ROBO1: variants seen among roughly 807,000 people sequenced by gnomAD.
The protein encoded by ROBO1 is roundabout guidance receptor 1.
ROBO1 carries 149 observed loss-of-function variants against 195.9 expected under a neutral mutation model. The observed-to-expected ratio is 0.76, with a 90% confidence interval of 0.67 to 0.87. ROBO1 has a LOEUF of 0.87. ROBO1 is among the 40% of genes least tolerant of loss of function. ROBO1 has a pLI of 0.00. For synonymous variants in ROBO1, 816 were observed against 733.2 expected (o/e 1.11, Z -1.82); for missense variants, 1,933 against 2,068.3 (o/e 0.93, Z 1.27).
chr3:79,162,655 C>A (rs2080990595), intron 2 of ROBO1, among the ~76,000 whole-genome samples: 2 of 152,072 alleles, frequency 1.3e-5, no homozygotes, highest in Non-Finnish European at 2.9e-5. Flanking sequence ...AAAAGTTGGG[C>A]AAACTTACGT....
intron 1 of ROBO1, among the ~76,000 whole-genome samples, chr3:79,690,064 G>A (rs1204613911): frequency 1.3e-5 from 2 of 151,936 alleles, no homozygotes; most frequent in African/African-American, 4.8e-5. Context: ...TCCTGGCACA[G>A]TTGTGATACT....
intron 4 of ROBO1, among the ~76,000 whole-genome samples, chr3:78,844,291 G>C (rs2033498710): frequency 1.3e-5 from 2 of 152,038 alleles, no homozygotes; most frequent in Non-Finnish European, 2.9e-5. Flanking sequence ...AGAATTGTTT[G>C]TGTTTTTGGA....
intron 8 of ROBO1, among the ~76,000 whole-genome samples, chr3:78,707,589 G>T (rs913246329): frequency 6.6e-6 from 1 of 152,154 alleles, no homozygotes; most frequent in African/African-American, 2.4e-5. Context: ...AGAGACTAGA[G>T]TGACTTCACA....
At chr3:79,312,280 C>T (rs2033522252) in intron 2 of ROBO1, among the ~76,000 whole-genome samples, 2 of 152,158 alleles carry the variant, frequency 1.3e-5, no homozygotes, top group South Asian at 4.1e-4. Flanking sequence ...TTTCTGATCG[C>T]CACATCTGGA....
chr3:78,800,581 G>T (rs931559677), intron 4 of ROBO1, among the ~76,000 whole-genome samples: 1 of 152,116 alleles, frequency 6.6e-6, no homozygotes, highest in African/African-American at 2.4e-5. Context: ...TTAGAAGACA[G>T]AGTCTCACCG....
chr3:79,325,768 T>G (rs2034183451), intron 2 of ROBO1, among the ~76,000 whole-genome samples: 1 of 152,158 alleles, frequency 6.6e-6, no homozygotes, highest in South Asian at 2.1e-4. Context: ...GCATGTGTGT[T>G]TGAACAATAT....
chr3:79,185,034 G>C (rs1255449609), intron 2 of ROBO1, among the ~76,000 whole-genome samples: 1 of 152,094 alleles, frequency 6.6e-6, no homozygotes, highest in African/African-American at 2.4e-5. Flanking sequence ...AAAAAGCTCG[G>C]TTTCTTTCTC....
intron 2 of ROBO1, among the ~76,000 whole-genome samples, chr3:79,374,304 G>T (rs555736983): frequency 2.0e-5 from 3 of 151,916 alleles, no homozygotes; most frequent in Non-Finnish European, 4.4e-5. Flanking sequence ...CAGACACCTG[G>T]ATAGAAAATA....
chr3:79,126,038 G>A (rs2108573794), intron 2 of ROBO1, among the ~76,000 whole-genome samples: 1 of 152,298 alleles, frequency 6.6e-6, no homozygotes, highest in East Asian at 1.9e-4. Context: ...AACAGGTCTT[G>A]TCAAATAAGA....
chr3:79,488,432 T>G (rs1359026025), intron 2 of ROBO1, among the ~76,000 whole-genome samples: 2 of 152,126 alleles, frequency 1.3e-5, no homozygotes, highest in African/African-American at 4.8e-5. Context: ...CAAAAGAAAA[T>G]GTGCATATGA....
At chr3:78,772,371 C>T (rs2083396931) in intron 4 of ROBO1, among the ~76,000 whole-genome samples, 1 of 151,942 alleles carries the variant, frequency 6.6e-6, no homozygotes, top group East Asian at 1.9e-4. Flanking sequence ...AAATAAAATC[C>T]ATAGTAATAT....
At chr3:78,631,476 G>C (rs1394517682) in intron 24 of ROBO1, among the ~76,000 whole-genome samples, 171 bp from the exon 25 acceptor site, 1 of 152,058 alleles carries the variant, frequency 6.6e-6, no homozygotes, top group East Asian at 1.9e-4. Flanking sequence ...GAACATGCAA[G>C]GTACTGCCAT....
At chr3:79,561,431 A>T (rs1485249940) in intron 2 of ROBO1, among the ~76,000 whole-genome samples, 1 of 152,198 alleles carries the variant, frequency 6.6e-6, no homozygotes, top group East Asian at 1.9e-4. Context: ...TGCCCTAAAA[A>T]TTGATAAGCA....
intron 3 of ROBO1, among the ~76,000 whole-genome samples, chr3:78,997,695 C>T (rs1430022504): frequency 6.6e-6 from 1 of 152,150 alleles, no homozygotes; most frequent in East Asian, 1.9e-4. Context: ...CAGTAGCACA[C>T]AGAAGGGGCC....
chr3:79,014,932 G>T (rs923067442), intron 3 of ROBO1, among the ~76,000 whole-genome samples: 9 of 152,066 alleles, frequency 5.9e-5, no homozygotes, highest in Non-Finnish European at 7.4e-5. Flanking sequence ...CTTCCCACAG[G>T]ATTCCAGTTG....
At chr3:79,641,741 G>A (rs1202408911) in intron 1 of ROBO1, among the ~76,000 whole-genome samples, 1 of 152,120 alleles carries the variant, frequency 6.6e-6, no homozygotes, top group East Asian at 1.9e-4. Flanking sequence ...ATTGAGGCTA[G>A]GTGTGGTGGT....
chr3:78,696,226 G>A (rs1173027461), intron 8 of ROBO1, among the ~76,000 whole-genome samples: 1 of 151,074 alleles, frequency 6.6e-6, no homozygotes, highest in East Asian at 2.0e-4. Flanking sequence ...CCTTCTCATA[G>A]CCCTTCTCAA....
intron 2 of ROBO1, among the ~76,000 whole-genome samples, chr3:79,402,894 T>C (rs867531008): frequency 3.9e-5 from 6 of 151,992 alleles, no homozygotes; most frequent in Middle Eastern, 3.2e-3. Flanking sequence ...TATAAGAAAT[T>C]TCTTTAGCAG....
chr3:78,781,821 CAT>C (rs1212640276), intron 4 of ROBO1, among the ~76,000 whole-genome samples: 3 of 152,010 alleles, frequency 2.0e-5, no homozygotes, highest in Non-Finnish European at 4.4e-5. Context: ...AATAAAATCA[CAT>C]ATGATGTTTA....
Sources: gnomAD v4.1 joint callset for allele counts (sites outside exome capture counted in the v4.1 genomes callset) on GRCh38, gnomAD v4.1.1 for gene constraint, MANE v1.5 for transcripts, NCBI Gene and HGNC (gene_info 2026-07-23, HGNC 2026-07-21) for gene names.